Variants in MYO1D observed in about 807,000 individuals in gnomAD.
MYO1D encodes the protein unconventional myosin-Id.
In MYO1D, 83 loss-of-function variants were observed where a neutral mutation model predicts 122.0. That is an observed-to-expected ratio of 0.68 (90% CI 0.57 to 0.82). MYO1D has a LOEUF of 0.82. MYO1D is among the 40% of genes least tolerant of loss of function. MYO1D has a pLI of 0.00. For synonymous variants in MYO1D, 464 were observed against 446.9 expected (o/e 1.04, Z -0.48); for missense variants, 1,157 against 1,269.5 (o/e 0.91, Z 1.35).
chr17:32,514,363 G>T (rs1191248416), intron 21 of MYO1D, among the ~76,000 whole-genome samples: 5 of 151,884 alleles, frequency 3.3e-5, no homozygotes, highest in Non-Finnish European at 7.4e-5. Flanking sequence ...GAAGTGCTGG[G>T]ATTACAGGTG....
At chr17:32,645,345 T>C (rs548349519) in intron 19 of MYO1D, among the ~76,000 whole-genome samples, 15 of 152,210 alleles carry the variant, frequency 9.9e-5, no homozygotes, top group Non-Finnish European at 2.1e-4. Flanking sequence ...ATTTTTTCCT[T>C]CATTTCAACT....
At chr17:32,574,554 T>C (rs1018607380) in intron 21 of MYO1D, among the ~76,000 whole-genome samples, 2 of 152,254 alleles carry the variant, frequency 1.3e-5, no homozygotes, top group Non-Finnish European at 2.9e-5. Flanking sequence ...TTCTCCTTCA[T>C]GCTGCTCATC....
At chr17:32,784,745 G>A (rs898640776) in intron 1 of MYO1D, among the ~76,000 whole-genome samples, 1 of 152,018 alleles carries the variant, frequency 6.6e-6, no homozygotes, top group Non-Finnish European at 1.5e-5. Context: ...TCTATAGTAG[G>A]AAGTCAAGAT....
At chr17:32,603,996 A>G (rs2087595582) in intron 21 of MYO1D, among the ~76,000 whole-genome samples, 1 of 152,182 alleles carries the variant, frequency 6.6e-6, no homozygotes, top group South Asian at 2.1e-4. Context: ...GCATTTAATG[A>G]TAGAAAATAT....
intron 16 of MYO1D, among the ~76,000 whole-genome samples, chr17:32,687,412 T>C (rs1350278652): frequency 6.6e-6 from 1 of 152,188 alleles, no homozygotes; most frequent in Non-Finnish European, 1.5e-5. Flanking sequence ...TTAGCCAGGA[T>C]GGTCTCGATC....
rs914541910 is a variant in MYO1D at position 32,757,346 on chromosome 17, A to G, written c.1297-1684T>C. On this transcript the variant is annotated intron_variant, in intron 10 of 21. Coordinates refer to ENST00000318217, the MANE Select transcript of MYO1D (RefSeq NM_015194.3). ...GGGACATTTGGCAATATCAGGAGACATTTCTAGTCAAAATGGGGTAGGGGT... is the reference window on the plus strand; with the variant it reads ...GGGACATTTGGCAATATCAGGAGACGTTTCTAGTCAAAATGGGGTAGGGGT... 2.0e-5 allele frequency among the ~76,000 whole-genome samples: 3 copies of G among 152,086 alleles called. No individual in the cohort carries two copies. The South Asian group carries it at 6.2e-4, about 32-fold the overall frequency.
At chr17:32,820,265 G>T (rs552741897) in intron 1 of MYO1D, among the ~76,000 whole-genome samples, 2 of 152,020 alleles carry the variant, frequency 1.3e-5, no homozygotes. Flanking sequence ...CCCACTTCTG[G>T]GTATATGTTC....
intron 19 of MYO1D, among the ~76,000 whole-genome samples, chr17:32,644,345 CT>C (rs1194526595): frequency 3.9e-5 from 6 of 152,156 alleles, no homozygotes; most frequent in African/African-American, 1.4e-4. Context: ...TATGTGGTCA[CT>C]TTTGGAATAA....
intron 21 of MYO1D, among the ~76,000 whole-genome samples, chr17:32,562,921 GA>G (rs1471122880): frequency 6.6e-6 from 1 of 152,092 alleles, no homozygotes; most frequent in East Asian, 1.9e-4. Context: ...TTTTTAAAGG[GA>G]GGGGCATTTG....
At chr17:32,838,978 C>A (rs1404677617) in intron 1 of MYO1D, among the ~76,000 whole-genome samples, 1 of 152,160 alleles carries the variant, frequency 6.6e-6, no homozygotes, top group African/African-American at 2.4e-5. Flanking sequence ...TGAAAAATTA[C>A]AACTTGATTA....
At chr17:32,593,923 C>A (rs748699568) in intron 21 of MYO1D, among the ~76,000 whole-genome samples, 1 of 152,134 alleles carries the variant, frequency 6.6e-6, no homozygotes, top group East Asian at 1.9e-4. Flanking sequence ...GGTGACAGTG[C>A]GAGACTCCAT....
intron 1 of MYO1D, among the ~76,000 whole-genome samples, chr17:32,843,421 T>G (rs776650790): frequency 6.6e-6 from 1 of 152,190 alleles, no homozygotes; most frequent in Non-Finnish European, 1.5e-5. Flanking sequence ...ATACAAAATG[T>G]ATTCAAAGCT....
chr17:32,643,637 G>A (rs2057657372), intron 19 of MYO1D, among the ~76,000 whole-genome samples: 1 of 152,064 alleles, frequency 6.6e-6, no homozygotes, highest in Non-Finnish European at 1.5e-5. Flanking sequence ...CTTCTTCCTG[G>A]TTTAGTCTTG....
chr17:32,827,990 G>T (rs2090737596), intron 1 of MYO1D, among the ~76,000 whole-genome samples: 2 of 152,140 alleles, frequency 1.3e-5, no homozygotes, highest in Non-Finnish European at 2.9e-5. Context: ...CACACCAATG[G>T]CAAAAGCACA....
Position 32,876,842 on chromosome 17 carries a change from T to C in MYO1D, c.31A>G (p.Lys11Glu), listed in dbSNP as rs1291296609. Residue 11 changes from lysine to glutamate, a missense_variant, in exon 1 of 22, where the codon AAG (lysine) becomes GAG (glutamate). Lys to Glu is a moderately conservative substitution (Grantham distance 56, BLOSUM62 1). Transcript: ENST00000318217. ...GTGTCCATCAGCACGAAGTCTGCCT[T>C]GCCGAATTCCAGGCTCTCCTGCTCC... MAEQESLEFGKADFVLMDTVS... is the reference protein window; with the variant it reads MAEQESLEFGEADFVLMDTVS... 6.6e-7 allele frequency: 1 copy of C among 1,518,670 alleles called. No individual in the cohort carries two copies. Among genetic ancestry groups the C allele is most frequent in the Non-Finnish European group, 8.8e-7 (1 of 1,133,136 alleles). The allele number at this position is 1,518,670 out of a possible 1,614,324, so 94.1% of individuals were successfully genotyped here. A position where few individuals can be genotyped will look rare whatever the true frequency, so the allele number is the denominator to read the frequency against.
At chr17:32,780,016 G>T (rs556915105) in intron 2 of MYO1D, among the ~76,000 whole-genome samples, 1 of 152,186 alleles carries the variant, frequency 6.6e-6, no homozygotes, top group South Asian at 2.1e-4. Flanking sequence ...GGTCCTTGAA[G>T]GGCTCCCCTT....
intron 16 of MYO1D, among the ~76,000 whole-genome samples, chr17:32,676,628 T>G (rs1448956448): frequency 6.6e-6 from 1 of 151,986 alleles, no homozygotes; most frequent in Admixed American, 6.6e-5. Flanking sequence ...CGGCTGAAAT[T>G]GTTAGCCGCC....
intron 1 of MYO1D, among the ~76,000 whole-genome samples, chr17:32,864,007 CTTTTTTTTTTTTTTTTTTTTTT>C (rs560953120): frequency 1.2e-4 from 6 of 48,972 alleles, no homozygotes; most frequent in Admixed American, 2.4e-4. Flanking sequence ...ACATTTCTTC[CTTTTTTTTTTTTTTTTTTTTTT>C]TTTTTTTTTT....
intron 21 of MYO1D, among the ~76,000 whole-genome samples, chr17:32,528,050 G>A (rs141005012): frequency 4.6e-5 from 7 of 152,254 alleles, no homozygotes; most frequent in African/African-American, 1.7e-4. Context: ...TGTTGGCCAG[G>A]CTGGTCTCGA....
Sources: gnomAD v4.1 joint callset for allele counts (sites outside exome capture counted in the v4.1 genomes callset) on GRCh38, gnomAD v4.1.1 for gene constraint, MANE v1.5 for transcripts, NCBI Gene and HGNC (gene_info 2026-07-23, HGNC 2026-07-21) for gene names.